Variants in LRP1B observed in about 807,000 individuals in gnomAD.
The protein encoded by LRP1B is LDL receptor related protein 1B.
A neutral mutation model predicts 556.6 loss-of-function variants in LRP1B; 217 were observed. The ratio of observed to expected loss-of-function variants is 0.39; its 90% CI spans 0.35 to 0.44. The LOEUF (loss-of-function observed/expected upper bound fraction) is 0.44. LRP1B is among the 20% of genes least tolerant of loss of function. The pLI, the probability that LRP1B is intolerant of heterozygous loss-of-function variation, is 1.00. For synonymous variants in LRP1B, 2,047 were observed against 1,865.8 expected (o/e 1.10, Z -2.50); for missense variants, 5,053 against 5,620.8 (o/e 0.90, Z 3.23).
intron 7 of LRP1B, among the ~76,000 whole-genome samples, chr2:141,121,098 T>A (rs1701035902): frequency 6.6e-6 from 1 of 152,088 alleles, no homozygotes; most frequent in African/African-American, 2.4e-5. Context: ...ATTTACCACC[T>A]ATGCGACACT....
At chr2:141,664,868 T>A (rs1320865398) in intron 2 of LRP1B, among the ~76,000 whole-genome samples, 1 of 152,080 alleles carries the variant, frequency 6.6e-6, no homozygotes, top group African/African-American at 2.4e-5. Flanking sequence ...TTAAAATTGA[T>A]ATGGAACCAA....
At position 140,457,450 on chromosome 2, in the gene LRP1B, A is replaced by C; in HGVS notation, c.9814+13T>G. On this transcript the variant is annotated intron_variant, in intron 61 of 90. Coordinates refer to ENST00000389484, the MANE Select transcript of LRP1B (RefSeq NM_018557.3). ...GTTAATGCATTTATGGAAATCATGG[A>C]AAGAATAATTACCATCAGGTTGTCT... The C allele has an allele frequency of 6.3e-7, 1 of 1,575,438 alleles. No homozygotes were observed. Among genetic ancestry groups the C allele is most frequent in the Non-Finnish European group, 8.7e-7 (1 of 1,147,288 alleles).
chr2:140,831,889 C>T (rs911897303), intron 31 of LRP1B, among the ~76,000 whole-genome samples: 1 of 152,060 alleles, frequency 6.6e-6, no homozygotes, highest in African/African-American at 2.4e-5. Flanking sequence ...AAAAAAGACA[C>T]ACAATTGGCC....
intron 21 of LRP1B, among the ~76,000 whole-genome samples, chr2:140,910,849 C>T (rs1421221398): frequency 6.6e-6 from 1 of 151,818 alleles, no homozygotes; most frequent in Non-Finnish European, 1.5e-5. Flanking sequence ...GTGATAACCT[C>T]TCTCTAGGGC....
At chr2:140,428,737 C>A (rs1015498141) in intron 66 of LRP1B, among the ~76,000 whole-genome samples, 4 of 152,094 alleles carry the variant, frequency 2.6e-5, no homozygotes, top group African/African-American at 9.7e-5. Context: ...TCCACACTAC[C>A]GTCTTTTCAA....
intron 2 of LRP1B, among the ~76,000 whole-genome samples, chr2:141,770,558 CT>C (rs1441907556): frequency 6.6e-5 from 10 of 152,212 alleles, no homozygotes; most frequent in African/African-American, 2.4e-4. Context: ...GAGAAGCGTT[CT>C]CTTTTTTATT....
intron 1 of LRP1B, among the ~76,000 whole-genome samples, chr2:142,127,951 G>T (rs1171683936): frequency 6.6e-6 from 1 of 152,014 alleles, no homozygotes; most frequent in African/African-American, 2.4e-5. Context: ...TGACAAATTA[G>T]TTGATTCTAA....
intron 18 of LRP1B, among the ~76,000 whole-genome samples, chr2:140,975,511 C>A (rs1371544346): frequency 1.8e-5 from 1 of 54,418 alleles, no homozygotes; most frequent in Admixed American, 2.1e-4. Flanking sequence ...AGTTTCCCCC[C>A]ATTCTTAGAA....
At chr2:140,917,077 T>C in intron 21 of LRP1B, among the ~76,000 whole-genome samples, 1 of 152,128 alleles carries the variant, frequency 6.6e-6, no homozygotes, top group East Asian at 1.9e-4. Flanking sequence ...TAATGGCAAA[T>C]GAACATTTGA....
chr2:140,646,771 G>GAT (rs1200673594), intron 41 of LRP1B, among the ~76,000 whole-genome samples: 61 of 151,592 alleles, frequency 4.0e-4, no homozygotes, highest in African/African-American at 1.2e-3. Context: ...ATCATTCCTA[G>GAT]ATATATATAT....
At chr2:140,249,868 C>T (rs1203569876) in intron 86 of LRP1B, among the ~76,000 whole-genome samples, 1 of 151,858 alleles carries the variant, frequency 6.6e-6, no homozygotes, top group East Asian at 1.9e-4. Flanking sequence ...AAGTAGACTA[C>T]AATGATCAAA....
chr2:140,282,236 G>A (rs1035199545), intron 84 of LRP1B, among the ~76,000 whole-genome samples: 5 of 151,726 alleles, frequency 3.3e-5, no homozygotes, highest in African/African-American at 1.2e-4. Context: ...GTAAAATGAT[G>A]TAAATGATAA....
intron 1 of LRP1B, among the ~76,000 whole-genome samples, chr2:141,967,822 C>G (rs1394129150): frequency 6.6e-6 from 1 of 151,808 alleles, no homozygotes; most frequent in Non-Finnish European, 1.5e-5. Flanking sequence ...CCTGTTAACT[C>G]ACACAATTGA....
At chr2:140,885,463 A>G (rs901973317) in intron 24 of LRP1B, among the ~76,000 whole-genome samples, 9 of 150,628 alleles carry the variant, frequency 6.0e-5, no homozygotes, top group African/African-American at 2.2e-4. Flanking sequence ...CAATTCTCCT[A>G]CCTCAGCCTC....
At chr2:141,285,242 C>T (rs1685663788) in intron 3 of LRP1B, among the ~76,000 whole-genome samples, 1 of 148,712 alleles carries the variant, frequency 6.7e-6, no homozygotes, top group Admixed American at 6.7e-5. Context: ...GCAAGCGCCA[C>T]ATGCCCGGCT....
intron 41 of LRP1B, among the ~76,000 whole-genome samples, chr2:140,620,704 G>T (rs1574151991): frequency 6.8e-6 from 1 of 147,030 alleles, no homozygotes; most frequent in Non-Finnish European, 1.5e-5. Context: ...AAAATAAGAA[G>T]AATATCTTAA....
intron 1 of LRP1B, among the ~76,000 whole-genome samples, chr2:142,030,839 T>G (rs1296986722): frequency 6.6e-6 from 1 of 151,864 alleles, no homozygotes; most frequent in Non-Finnish European, 1.5e-5. Context: ...TTCTAACTGT[T>G]TAGTACCAAG....
intron 41 of LRP1B, among the ~76,000 whole-genome samples, chr2:140,674,665 A>G (rs951718719): frequency 4.6e-5 from 7 of 152,214 alleles, no homozygotes; most frequent in African/African-American, 1.7e-4. Flanking sequence ...TAAAATGTAT[A>G]AAACCACGCT....
intron 32 of LRP1B, among the ~76,000 whole-genome samples, chr2:140,777,045 A>G (rs889878126): frequency 1.3e-5 from 2 of 152,172 alleles, no homozygotes; most frequent in Non-Finnish European, 2.9e-5. Context: ...TCTTTCCAAG[A>G]CTCCATGAGA....
Sources: allele counts gnomAD v4.1 joint callset (sites outside exome capture counted in the v4.1 genomes callset), GRCh38; gene constraint gnomAD v4.1.1; transcripts MANE v1.5; gene names NCBI Gene and HGNC (gene_info 2026-07-23, HGNC 2026-07-21).